Variants in PCED1B observed in about 807,000 individuals in gnomAD.
PCED1B encodes the protein PC-esterase domain-containing protein 1B.
For missense variants in PCED1B, 573 were observed against 573.9 expected (o/e 1.00, Z 0.02); for synonymous variants, 251 against 246.1 (o/e 1.02, Z -0.19).
intron 3 of PCED1B, among the ~76,000 whole-genome samples, chr12:47,220,002 G>A (rs1165781891): frequency 4.0e-5 from 6 of 149,784 alleles, no homozygotes; most frequent in African/African-American, 1.2e-4. Flanking sequence ...GAGCCTGGGA[G>A]GTTGAAGCTG....
At chr12:47,139,962 G>GA (rs1054474511) in intron 2 of PCED1B, among the ~76,000 whole-genome samples, 6 of 151,912 alleles carry the variant, frequency 3.9e-5, no homozygotes, top group Non-Finnish European at 5.9e-5. Context: ...ATTAGATGAT[G>GA]TGTGTGTGTG....
intron 2 of PCED1B, among the ~76,000 whole-genome samples, chr12:47,144,685 T>C (rs1015993673): frequency 1.5e-4 from 23 of 152,140 alleles, no homozygotes; most frequent in African/African-American, 5.3e-4. Flanking sequence ...TGGTAACTAT[T>C]TGTGTATCTA....
intron 2 of PCED1B, among the ~76,000 whole-genome samples, chr12:47,211,320 C>T (rs1011995638): frequency 6.6e-6 from 1 of 152,258 alleles, no homozygotes; most frequent in South Asian, 2.1e-4. Context: ...GAACAGCACA[C>T]ATCCAAAAAT....
At chr12:47,197,265 A>G (rs1000714576) in intron 2 of PCED1B, among the ~76,000 whole-genome samples, 8 of 148,306 alleles carry the variant, frequency 5.4e-5, no homozygotes, top group Non-Finnish European at 1.0e-4. Context: ...AAAAAAAGAT[A>G]TAAAAACATA....
intron 2 of PCED1B, among the ~76,000 whole-genome samples, chr12:47,204,131 G>A (rs1942848506): frequency 6.6e-6 from 1 of 152,120 alleles, no homozygotes; most frequent in African/African-American, 2.4e-5. Context: ...TTTTAGTAGA[G>A]ACAGGGTTTC....
At chr12:47,201,431 AGTCT>A (rs1942760327) in intron 2 of PCED1B, among the ~76,000 whole-genome samples, 2 of 152,112 alleles carry the variant, frequency 1.3e-5, no homozygotes, top group Admixed American at 6.5e-5. Flanking sequence ...GCCAAGATGG[AGTCT>A]GTCTGGCTCT....
chr12:47,222,283 G>T (rs113239957), intron 3 of PCED1B, among the ~76,000 whole-genome samples: 1 of 151,588 alleles, frequency 6.6e-6, no homozygotes, highest in Non-Finnish European at 1.5e-5. Context: ...TTAGCCGGGC[G>T]TGGTAGCACG....
intron 1 of PCED1B, among the ~76,000 whole-genome samples, chr12:47,085,404 A>G (rs1164694917): frequency 1.3e-5 from 2 of 152,200 alleles, no homozygotes; most frequent in Non-Finnish European, 2.9e-5. Flanking sequence ...ACTTCAGGAA[A>G]AGTAACTTAA....
At chr12:47,122,534 C>T (rs1189496245) in intron 2 of PCED1B, among the ~76,000 whole-genome samples, 2 of 152,334 alleles carry the variant, frequency 1.3e-5, no homozygotes, top group East Asian at 1.9e-4. Flanking sequence ...CTTGCAGCTG[C>T]TTAATCTTTT....
intron 2 of PCED1B, among the ~76,000 whole-genome samples, chr12:47,201,242 G>C (rs1942754594): frequency 6.6e-6 from 1 of 152,170 alleles, no homozygotes; most frequent in Non-Finnish European, 1.5e-5. Context: ...CAGGTGCAGG[G>C]GCTTTCAGTC....
At chr12:47,163,209 T>C (rs970548722) in intron 2 of PCED1B, among the ~76,000 whole-genome samples, 1 of 152,246 alleles carries the variant, frequency 6.6e-6, no homozygotes, top group African/African-American at 2.4e-5. Context: ...AATTTTCTTT[T>C]CAGATGGTTC....
At chr12:47,187,216 T>C (rs832735) in intron 2 of PCED1B, among the ~76,000 whole-genome samples, 10,152 of 152,232 alleles carry the variant, frequency 0.067, 1,088 homozygotes, top group African/African-American at 0.23. Context: ...TCCAGGTGGA[T>C]AGCTCCAGGG....
chr12:47,235,081 C>G lies in PCED1B; in HGVS notation c.18C>G (p.Ala6=). The change falls in exon 4 of 4, where the codon GCC becomes GCG. Residue 6 remains alanine, a synonymous_variant. Transcript: ENST00000546455. ...TGGGCGTCATGATCCTTCTGCGGGC[C>G]TCCGAAGTGCGGCAGCTGCTTCACA... MILLR[A]SEVRQLLHNK... 1 of 1,528,200 alleles carries G rather than the reference C, an allele frequency of 6.5e-7. No homozygotes were observed. The highest frequency in any genetic ancestry group is 8.8e-7 in the Non-Finnish European group (1 of 1,139,566). The allele number at this position is 1,528,200 out of a possible 1,614,324, so 94.7% of individuals were successfully genotyped here. A position where few individuals can be genotyped will look rare whatever the true frequency, so the allele number is the denominator to read the frequency against.
intron 2 of PCED1B, among the ~76,000 whole-genome samples, chr12:47,147,398 G>A (rs1940831953): frequency 6.6e-6 from 1 of 152,130 alleles, no homozygotes; most frequent in Non-Finnish European, 1.5e-5. Context: ...TGTATAACAA[G>A]CATGGGCTTT....
At chr12:47,233,250 G>A (rs915497946) in intron 3 of PCED1B, among the ~76,000 whole-genome samples, 1 of 151,918 alleles carries the variant, frequency 6.6e-6, no homozygotes, top group Non-Finnish European at 1.5e-5. Flanking sequence ...TCCGCCTCCT[G>A]GGCTCACGCC....
At chr12:47,199,398 T>C (rs1942699524) in intron 2 of PCED1B, among the ~76,000 whole-genome samples, 1 of 152,168 alleles carries the variant, frequency 6.6e-6, no homozygotes, top group Non-Finnish European at 1.5e-5. Context: ...AATTTTATTT[T>C]AAAGTTTATA....
intron 2 of PCED1B, among the ~76,000 whole-genome samples, chr12:47,214,732 G>A (rs1943197773): frequency 6.6e-6 from 1 of 152,118 alleles, no homozygotes; most frequent in African/African-American, 2.4e-5. Flanking sequence ...TTGTCTGAGA[G>A]CAGGACTCTT....
rs919526812 is a variant in PCED1B, at chr12:47,155,282, A to T, written c.-526+51087A>T. ...TCTAATCTAAGATTTTCTCCATTGT[A>T]AGACACTCTATTATTTTATGATCAA... On this transcript the variant is annotated intron_variant, in intron 2 of 3. Transcript: ENST00000546455. Among the ~76,000 whole-genome samples, 5 of 152,326 alleles carry T rather than the reference A, an allele frequency of 3.3e-5. No homozygotes were observed. The East Asian group carries it at 7.7e-4, about 23-fold the overall frequency.
At chr12:47,213,810 A>G (rs574536586) in intron 2 of PCED1B, among the ~76,000 whole-genome samples, 68 of 152,348 alleles carry the variant, frequency 4.5e-4, no homozygotes, top group African/African-American at 1.5e-3. Flanking sequence ...GTAGCTGTCT[A>G]CATAGAGCAT....
Sources: allele counts gnomAD v4.1 joint callset (sites outside exome capture counted in the v4.1 genomes callset), GRCh38; gene constraint gnomAD v4.1.1; transcripts MANE v1.5; gene names NCBI Gene and HGNC (gene_info 2026-07-23, HGNC 2026-07-21).